The following DOCK5 variants were observed in gnomAD, a reference collection of about 807,000 sequenced individuals.
DOCK5 encodes the protein dedicator of cytokinesis protein 5.
A neutral mutation model predicts 251.8 loss-of-function variants in DOCK5; 142 were observed. The observed-to-expected ratio is 0.56, with a 90% CI of 0.49 to 0.65. DOCK5 has a LOEUF of 0.65. Ranked by LOEUF, DOCK5 falls within the 30% of genes least tolerant of loss-of-function variation. The pLI is 0.00. For missense variants in DOCK5, 2,111 were observed against 2,312.3 expected, an observed-to-expected ratio of 0.91 and a Z score of 1.79; for synonymous variants, 842 against 835.5, an observed-to-expected ratio of 1.01 and a Z score of -0.13.
chr8:25,235,361 A>C (rs1802769029), intron 1 of DOCK5, among the ~76,000 whole-genome samples: 1 of 152,216 alleles, frequency 6.6e-6, no homozygotes, highest in Non-Finnish European at 1.5e-5. Flanking sequence ...CCTGGGCTCA[A>C]GCGATCCTCC....
At chr8:25,187,868 T>C (rs761453508) in intron 1 of DOCK5, among the ~76,000 whole-genome samples, 112 of 152,232 alleles carry the variant, frequency 7.4e-4, no homozygotes, top group Non-Finnish European at 1.5e-3. Context: ...CACCTTTCCT[T>C]GAGGGCTCAA....
rs1157453366 is a variant in DOCK5, at chr8:25,374,626, C to T, written c.3788C>T (p.Thr1263Met). The T allele has an allele frequency of 2.5e-5, 41 of 1,613,780 alleles. No homozygotes were observed. Among genetic ancestry groups the T allele is most frequent in the Non-Finnish European group, 3.1e-5 (37 of 1,179,870 alleles). Residue 1263 changes from threonine (T) to methionine (M), a missense_variant, in exon 37 of 52, where the codon ACG becomes ATG. Transcript: ENST00000276440. Reference sequence around the variant, plus strand: ...GAGAACTACACAGAAGCTGCCTACACGCTTCTCTTGCACGCTGAGCTTCTG... The same window carrying T: ...GAGAACTACACAGAAGCTGCCTACATGCTTCTCTTGCACGCTGAGCTTCTG... ...DCENYTEAAY[T>M]LLLHAELLQW...
chr8:25,368,101 G>A (rs749190499), intron 31 of DOCK5, 91 bp from the exon 32 acceptor site: 20 of 1,023,870 alleles, frequency 2.0e-5, no homozygotes, highest in Non-Finnish European at 3.0e-5. Flanking sequence ...GACCAAGAGA[G>A]ACACAGACTG....
At chr8:25,260,947 C>A (rs1563328790) in intron 2 of DOCK5, among the ~76,000 whole-genome samples, 1 of 152,014 alleles carries the variant, frequency 6.6e-6, no homozygotes, top group Non-Finnish European at 1.5e-5. Flanking sequence ...GAATGTGTGC[C>A]ACCTCACCTG....
intron 3 of DOCK5, among the ~76,000 whole-genome samples, chr8:25,269,208 A>G (rs1803842254): frequency 6.6e-6 from 1 of 152,174 alleles, no homozygotes; most frequent in Admixed American, 6.5e-5. Flanking sequence ...GGGTGGACCC[A>G]CCCTTCTCCC....
Position 25,368,689 on chromosome 8 carries a change from T to A in DOCK5, c.3402T>A (p.Cys1134Ter). Reference sequence around the variant, plus strand: ...CCATTTTCTTTGATATGATGCAGTGTGAGTTCAATTTCAGTGGAAATGGCA... The same window carrying A: ...CCATTTTCTTTGATATGATGCAGTGAGAGTTCAATTTCAGTGGAAATGGCA... ...TIPIFFDMMQ[C>*]EFNFSGNGNF... Residue 1134 changes from cysteine (C) to a stop codon, truncating the protein, a stop_gained, in exon 33 of 52, where the codon TGT becomes TGA. Transcript: ENST00000276440. LOFTEE classifies it high-confidence loss of function. The A allele has an allele frequency of 1.9e-6, 3 of 1,613,652 alleles. No individual in the cohort carries two copies. The highest frequency in any genetic ancestry group is 2.5e-6 in the Non-Finnish European group (3 of 1,179,786).
In DOCK5 at chr8:25,242,754, C is replaced by T. The variant is rs1399318135; in HGVS notation, c.44-920C>T. Among the ~76,000 whole-genome samples, 3 of 152,198 alleles carry T rather than the reference C, an allele frequency of 2.0e-5. No individual in the cohort carries two copies. The East Asian group carries it at 5.8e-4, about 29-fold the overall frequency. On this transcript the variant is annotated intron_variant, in intron 1 of 51. Transcript: ENST00000276440. ...CCCTAAAGACTGTGGTGGCTGAGGT[C>T]ACCTTGATTAGGAAGTGCTGGGGTA...
chr8:25,305,281 A>G (rs1056192818), intron 11 of DOCK5: 1 of 149,704 alleles, frequency 6.7e-6, no homozygotes, highest in African/African-American at 2.5e-5. Flanking sequence ...GTGGAGAAAG[A>G]TACATTATGC....
intron 18 of DOCK5, among the ~76,000 whole-genome samples, chr8:25,331,230 G>GACACAC (rs60869427): frequency 0.037 from 5,214 of 140,288 alleles, 112 homozygotes; most frequent in African/African-American, 0.064. Context: ...GTTTCTCTGT[G>GACACAC]ACACACACAC....
intron 42 of DOCK5, among the ~76,000 whole-genome samples, chr8:25,391,508 C>T (rs1035746384): frequency 1.3e-5 from 2 of 151,988 alleles, no homozygotes; most frequent in Admixed American, 1.3e-4. Flanking sequence ...CGTGATGGTG[C>T]GTGCTTGTAA....
intron 13 of DOCK5, 90 bp from the exon 14 acceptor site, chr8:25,316,917 G>C: frequency 6.7e-7 from 1 of 1,503,044 alleles, no homozygotes; most frequent in Non-Finnish European, 9.0e-7. Context: ...AGACCATTTC[G>C]TGTTGTCTTT....
intron 37 of DOCK5, 187 bp downstream of exon 37, chr8:25,374,841 A>T (rs140119583): frequency 6.9e-7 from 1 of 1,441,820 alleles, no homozygotes; most frequent in African/African-American, 1.4e-5. Context: ...AATGTCAGTT[A>T]TCTTTTATTT....
intron 40 of DOCK5, among the ~76,000 whole-genome samples, chr8:25,385,219 T>C (rs1801143854): frequency 6.6e-6 from 1 of 152,284 alleles, no homozygotes; most frequent in Admixed American, 6.5e-5. Flanking sequence ...TGGGAGCTGC[T>C]GCAGACTTTT....
At chr8:25,404,184 G>C (rs544859849) in intron 48 of DOCK5, among the ~76,000 whole-genome samples, 8 of 152,134 alleles carry the variant, frequency 5.3e-5, no homozygotes, top group Non-Finnish European at 1.0e-4. Flanking sequence ...GCTCTTTATA[G>C]GTTCACAAGC....
At chr8:25,373,786 G>C in intron 36 of DOCK5, 128 bp downstream of exon 36, 1 of 836,696 alleles carries the variant, frequency 1.2e-6, no homozygotes, top group South Asian at 1.7e-5. Context: ...TACATGATAC[G>C]CTCCATTCAC....
intron 25 of DOCK5, among the ~76,000 whole-genome samples, chr8:25,345,202 T>G (rs1350548177): frequency 2.0e-5 from 3 of 152,196 alleles, no homozygotes; most frequent in Admixed American, 6.5e-5. Context: ...GAGAAATTGT[T>G]AAATAATTTA....
chr8:25,256,279 C>A (rs1175094319), intron 2 of DOCK5, among the ~76,000 whole-genome samples: 1 of 152,150 alleles, frequency 6.6e-6, no homozygotes, highest in African/African-American at 2.4e-5. Flanking sequence ...TTCTAAATGG[C>A]AGGAACAATG....
rs1801596942 is a variant in DOCK5, at chr8:25,410,172, C to T, written c.5478C>T (p.Pro1826=). The T allele has an allele frequency of 6.2e-7, 1 of 1,613,724 alleles. No individual in the cohort carries two copies. Among genetic ancestry groups the T allele is most frequent in the Non-Finnish European group, 8.5e-7 (1 of 1,179,816 alleles). ...VPPPPPPKSK[P]YEGSQRNSTE... ...CTCCACCTCCCCCCAAAAGCAAGCC[C>T]TATGAAGGCAGCCAGAGGAACTCCA... The change falls in exon 51 of 52, where the codon CCC becomes CCT. Residue 1826 remains proline (P), a synonymous_variant. Transcript: ENST00000276440.
intron 4 of DOCK5, among the ~76,000 whole-genome samples, chr8:25,277,646 G>T (rs1804080142): frequency 6.6e-6 from 1 of 152,144 alleles, no homozygotes; most frequent in African/African-American, 2.4e-5. Context: ...GTGGGCCGTG[G>T]GCTGCCTCCA....
Sources: allele counts gnomAD v4.1 joint callset (sites outside exome capture counted in the v4.1 genomes callset), GRCh38; gene constraint gnomAD v4.1.1; transcripts MANE v1.5; gene names NCBI Gene and HGNC (gene_info 2026-07-23, HGNC 2026-07-21).